The following FAAH variants were observed in gnomAD, a reference collection of about 807,000 sequenced individuals.
FAAH encodes fatty acid amide hydrolase.
FAAH carries 63 observed loss-of-function variants against 69.7 expected under a neutral mutation model. That is an observed-to-expected ratio of 0.90 (90% CI 0.74 to 1.12). The LOEUF is 1.12. Among genes scored for constraint, FAAH ranks in the 50% most tolerant of loss-of-function variants. The probability of loss-of-function intolerance (pLI) is 0.00; values close to 1 mark genes in which losing one functional copy is unlikely to be tolerated. For synonymous variants in FAAH, 305 were observed against 324.2 expected (o/e 0.94, Z 0.64); for missense variants, 680 against 755.0 (o/e 0.90, Z 1.16).
intron 6 of FAAH, 37 bp downstream of exon 6, chr1:46,406,115 TG>T (rs1205499808): frequency 6.2e-7 from 1 of 1,613,798 alleles, no homozygotes; most frequent in Admixed American, 1.7e-5. Flanking sequence ...CCGAGGAGGG[TG>T]GGGGTCGGCC....
In FAAH at chr1:46,410,988, C is replaced by T. The variant is rs1047122828; in HGVS notation, c.1316+134C>T. The T allele has an allele frequency of 1.3e-5, 13 of 1,023,546 alleles. No individual in the cohort carries two copies. The highest frequency in any genetic ancestry group is 2.0e-5 in the Non-Finnish European group (13 of 659,308). 63.4% of individuals were successfully genotyped at this position (1,023,546 alleles called of 1,614,324 possible). On this transcript the variant is annotated intron_variant, in intron 11 of 14. Coordinates refer to ENST00000243167, the MANE Select transcript of FAAH (RefSeq NM_001441.3). The surrounding 1 kb of genome is among the most constrained non-coding windows in gnomAD (Gnocchi z 4.9). ...GGAAGTGGCCCAGGCAGGGGGGCAA[C>T]CTTTGTGGCCTTCAGATGGGACTTT...
intron 1 of FAAH, among the ~76,000 whole-genome samples, chr1:46,401,749 T>G (rs538025997): frequency 6.6e-6 from 1 of 152,182 alleles, no homozygotes; most frequent in Admixed American, 6.5e-5. Context: ...TGTAGTGGTT[T>G]AATCATCAGT....
At chr1:46,406,839 C>G (rs1394623497) in intron 7 of FAAH, among the ~76,000 whole-genome samples, 1 of 151,836 alleles carries the variant, frequency 6.6e-6, no homozygotes, top group Non-Finnish European at 1.5e-5. Context: ...ATCTCCTGAC[C>G]TCGTGATCCG....
chr1:46,405,175 C>A lies in FAAH; in HGVS notation c.444+27C>A. On this transcript the variant is annotated intron_variant, in intron 3 of 14. Coordinates refer to ENST00000243167, the MANE Select transcript of FAAH (RefSeq NM_001441.3). This position sits in a 1 kb window ranked among gnomAD's most constrained non-coding sequence, Gnocchi z 4.1. ...TATGCTCTGCCTCAGCGCCAGGCCTCCATCGTCCCCTCCATCCCTGCCAGC... is the reference window on the plus strand; with the variant it reads ...TATGCTCTGCCTCAGCGCCAGGCCTACATCGTCCCCTCCATCCCTGCCAGC... 1 of 1,613,560 alleles carries A rather than the reference C, an allele frequency of 6.2e-7. No individual in the cohort carries two copies. The highest frequency in any genetic ancestry group is 1.3e-5 in the African/African-American group (1 of 75,072).
chr1:46,401,740 G>T (rs1664706179), intron 1 of FAAH, among the ~76,000 whole-genome samples: 1 of 152,234 alleles, frequency 6.6e-6, no homozygotes, highest in Non-Finnish European at 1.5e-5. Context: ...GTGTATATTT[G>T]TAGTGGTTTA....
chr1:46,402,229 T>A (rs750946260), intron 2 of FAAH, 25 bp downstream of exon 2: 1 of 1,553,442 alleles, frequency 6.4e-7, no homozygotes, highest in South Asian at 1.2e-5. Context: ...GGCCAGCCCC[T>A]CCCTGGGAAA....
chr1:46,411,159 G>A lies in FAAH; in HGVS notation c.1316+305G>A, dbSNP rs1456460887. Among the ~76,000 whole-genome samples the A allele has an allele frequency of 6.6e-6, 1 of 152,232 alleles. No homozygotes were observed. The highest frequency in any genetic ancestry group is 1.5e-5 in the Non-Finnish European group (1 of 68,038). On this transcript the variant is annotated intron_variant, in intron 11 of 14. Coordinates refer to ENST00000243167, the MANE Select transcript of FAAH (RefSeq NM_001441.3). This position sits in a 1 kb window ranked among gnomAD's most constrained non-coding sequence, Gnocchi z 4.8. ...AAGTGGGGGTTGGCCTGGGCCAAGG[G>A]TGGGGCACCCGGGAGAGATGCCACT...
Position 46,404,699 on chromosome 1 carries a change from G to A in FAAH, c.310-315G>A, listed in dbSNP as rs1020057615. On this transcript the variant is annotated intron_variant, in intron 2 of 14. Coordinates refer to ENST00000243167, the MANE Select transcript of FAAH (RefSeq NM_001441.3). The surrounding 1 kb of genome is among the most constrained non-coding windows in gnomAD (Gnocchi z 4.5). The stretch of plus-strand genomic sequence containing the variant: ...GGGGGAGGTGAGGGAGTGGCCAGTG[G>A]TCATCTTCCTCCCAGCTCACCCCCT... Among the ~76,000 whole-genome samples, 1 of 152,136 alleles carries A rather than the reference G, an allele frequency of 6.6e-6. No homozygotes were observed. Among genetic ancestry groups the A allele is most frequent in the Non-Finnish European group, 1.5e-5 (1 of 68,000 alleles).
At chr1:46,397,783 G>A (rs1443214945) in intron 1 of FAAH, among the ~76,000 whole-genome samples, 5 of 151,582 alleles carry the variant, frequency 3.3e-5, no homozygotes, top group South Asian at 2.1e-4. Flanking sequence ...GGCTGGCCTC[G>A]ACCTCCCGAC....
Position 46,402,083 on chromosome 1 carries a change from C to T in FAAH, c.196-8C>T, listed in dbSNP as rs945787364. ...AGTAGGGGACTGATCCGAGTTTGTT[C>T]CCCACAGAACCCAGACCTGGACTCA... is the stretch of plus-strand genomic sequence containing the variant. On this transcript the variant is annotated splice_polypyrimidine_tract_variant and splice_region_variant and intron_variant, in intron 1 of 14. Coordinates refer to ENST00000243167, the MANE Select transcript of FAAH (RefSeq NM_001441.3). The T allele has an allele frequency of 1.3e-6, 2 of 1,598,976 alleles. No homozygotes were observed. Among genetic ancestry groups the T allele is most frequent in the Non-Finnish European group, 1.7e-6 (2 of 1,172,056 alleles).
chr1:46,405,422 G>A lies in FAAH; in HGVS notation c.495G>A (p.Glu165=), dbSNP rs201397795. 30 of 1,613,154 alleles carry A rather than the reference G, an allele frequency of 1.9e-5. No homozygotes were observed. Among genetic ancestry groups the A allele is most frequent in the Non-Finnish European group, 2.5e-5 (30 of 1,180,018 alleles). The change falls in exon 4 of 15, where the codon GAG becomes GAA. Residue 165 remains glutamate (E), a synonymous_variant. Transcript: ENST00000243167. The surrounding 1 kb of genome is among the most constrained non-coding windows in gnomAD (Gnocchi z 4.1). ...GCCTGAATGAAGGGGTGCCGGCGGA[G>A]TGCGACAGCGTAGTGGTGCATGTGC... is the stretch of plus-strand genomic sequence containing the variant. ...GLSLNEGVPA[E]CDSVVVHVLK...
rs775722990 is a variant in FAAH at position 46,406,264 on chromosome 1, A to T, written c.847A>T (p.Met283Leu). 1 of 1,613,970 alleles carries T rather than the reference A, an allele frequency of 6.2e-7. No individual in the cohort carries two copies. The highest frequency in any genetic ancestry group is 8.5e-7 in the Non-Finnish European group (1 of 1,180,020). The stretch of plus-strand genomic sequence containing the variant: ...CACAGTGCGTCTCTCCGTGGGCCCC[A>T]TGGCCCGGGACGTGGAGAGCCTGGC... ...QEAVRLSVGP[M>L]ARDVESLALC... Residue 283 changes from methionine (M) to leucine (L), a missense_variant, in exon 7 of 15, where the codon ATG becomes TTG. Coordinates refer to ENST00000243167, the MANE Select transcript of FAAH (RefSeq NM_001441.3).
chr1:46,394,526 C>A lies in FAAH; in HGVS notation c.178C>A (p.Gln60Lys), dbSNP rs757819078. The change falls in exon 1 of 15, where the codon CAG becomes AAG. Residue 60 changes from glutamine to lysine, a missense_variant. Gln to Lys is a moderately conservative substitution (Grantham distance 53). Transcript: ENST00000243167. Reference sequence around the variant, plus strand: ...CCTGGAGAACATGGACAGGGCGGCGCAGCGCTTCCGGCTCCAGGTGACTGC... The same window carrying A: ...CCTGGAGAACATGGACAGGGCGGCGAAGCGCTTCCGGCTCCAGGTGACTGC... ...AGLENMDRAAQRFRLQNPDLD... is the reference protein window; with the variant it reads ...AGLENMDRAAKRFRLQNPDLD... 6.0e-5 allele frequency: 83 copies of A among 1,373,486 alleles called. No individual in the cohort carries two copies. The Middle Eastern group carries it at 6.5e-4, about 11-fold the overall frequency. The allele number at this position is 1,373,486 out of a possible 1,614,324, so 85.1% of individuals were successfully genotyped here.
rs557865870 is a variant in FAAH at position 46,410,311 on chromosome 1, T to A, written c.1176-87T>A. The A allele has an allele frequency of 8.9e-6, 9 of 1,008,330 alleles. No individual in the cohort carries two copies. The African/African-American group carries it at 1.3e-4, about 14-fold the overall frequency. 62.5% of individuals were successfully genotyped at this position (1,008,330 alleles called of 1,614,324 possible). A position where few individuals can be genotyped will look rare whatever the true frequency, so the allele number is the denominator to read the frequency against. On this transcript the variant is annotated intron_variant, in intron 9 of 14. Coordinates refer to ENST00000243167, the MANE Select transcript of FAAH (RefSeq NM_001441.3). The surrounding 1 kb of genome is among the most constrained non-coding windows in gnomAD (Gnocchi z 4.9). ...GGAGGAGGTGGACAGGATCCCTGCATAGAGAATGGGATTGCTGTGGGCCGG... is the reference window on the plus strand; with the variant it reads ...GGAGGAGGTGGACAGGATCCCTGCAAAGAGAATGGGATTGCTGTGGGCCGG...
chr1:46,404,527 G>A lies in FAAH; in HGVS notation c.310-487G>A, dbSNP rs951588876. Among the ~76,000 whole-genome samples, 9 of 152,230 alleles carry A rather than the reference G, an allele frequency of 5.9e-5. No homozygotes were observed. The highest frequency in any genetic ancestry group is 1.3e-4 in the Non-Finnish European group (9 of 68,040). On this transcript the variant is annotated intron_variant, in intron 2 of 14. Coordinates refer to ENST00000243167, the MANE Select transcript of FAAH (RefSeq NM_001441.3). The surrounding 1 kb of genome is among the most constrained non-coding windows in gnomAD (Gnocchi z 4.5). Reference sequence around the variant, plus strand: ...GAGGCTTGACTGGGCTACATGTGGGGAAGGCGTGGGGTTGAGGAGAGACTG... The same window carrying A: ...GAGGCTTGACTGGGCTACATGTGGGAAAGGCGTGGGGTTGAGGAGAGACTG...
chr1:46,410,305 C>T lies in FAAH; in HGVS notation c.1176-93C>T, dbSNP rs1466080060. The T allele has an allele frequency of 5.3e-6, 5 of 947,132 alleles. No individual in the cohort carries two copies. Among genetic ancestry groups the T allele is most frequent in the Middle Eastern group, 2.1e-4 (1 of 4,758 alleles). 58.7% of individuals were successfully genotyped at this position (947,132 alleles called of 1,614,324 possible). Reference sequence around the variant, plus strand: ...TGGTGAGGAGGAGGTGGACAGGATCCCTGCATAGAGAATGGGATTGCTGTG... The same window carrying T: ...TGGTGAGGAGGAGGTGGACAGGATCTCTGCATAGAGAATGGGATTGCTGTG... On this transcript the variant is annotated intron_variant, in intron 9 of 14. Transcript: ENST00000243167. This position sits in a 1 kb window ranked among gnomAD's most constrained non-coding sequence, Gnocchi z 4.9.
rs761934880 is a variant in FAAH, at chr1:46,405,716, C to G, written c.707C>G (p.Thr236Ser). 1.9e-6 allele frequency: 3 copies of G among 1,613,570 alleles called. No homozygotes were observed. The highest frequency in any genetic ancestry group is 1.7e-6 in the Non-Finnish European group (2 of 1,180,030). Residue 236 changes from threonine to serine, a missense_variant, in exon 5 of 15, where the codon ACT (threonine) becomes AGT (serine). Physicochemically the swap from Thr to Ser is moderately conservative, Grantham distance 58 (BLOSUM62 1). Coordinates refer to ENST00000243167, the MANE Select transcript of FAAH (RefSeq NM_001441.3). The surrounding 1 kb of genome is among the most constrained non-coding windows in gnomAD (Gnocchi z 4.1). ...GGAGGCTCCCCCCTGGGCTTAGGCA[C>G]TGATATCGGAGGCAGCATCCGCTTC... ...GSGGSPLGLG[T>S]DIGGSIRFPS...
chr1:46,408,659 C>G, intron 8 of FAAH, 75 bp downstream of exon 8: 2 of 1,604,888 alleles, frequency 1.2e-6, no homozygotes, highest in Non-Finnish European at 1.7e-6. Flanking sequence ...CATGGCTACT[C>G]CATCCCTGGC....
intron 1 of FAAH, among the ~76,000 whole-genome samples, chr1:46,397,393 CAGA>C (rs1025806415): frequency 3.9e-5 from 6 of 152,118 alleles, no homozygotes; most frequent in African/African-American, 1.4e-4. Context: ...TATTCCAGGA[CAGA>C]AGTTTTGGCT....
Sources: allele counts gnomAD v4.1 joint callset (sites outside exome capture counted in the v4.1 genomes callset), GRCh38; gene constraint gnomAD v4.1.1; non-coding constraint Gnocchi (gnomAD v3.1); transcripts MANE v1.5; gene names NCBI Gene and HGNC (gene_info 2026-07-23, HGNC 2026-07-21).